PDE10A: variants seen among roughly 807,000 people sequenced by gnomAD.
PDE10A encodes the protein phosphodiesterase 10A, also known as cAMP and cAMP-inhibited cGMP 3',5'-cyclic phosphodiesterase 10A.
Under a neutral mutation model 97.7 loss-of-function variants are expected in PDE10A, and 39 were observed. The observed-to-expected ratio is 0.40, with a 90% confidence interval of 0.31 to 0.52. The LOEUF is 0.52. PDE10A is among the 20% of genes least tolerant of loss of function. The probability of loss-of-function intolerance (pLI) is 0.56; values close to 1 mark genes in which losing one functional copy is unlikely to be tolerated. For synonymous variants in PDE10A, 371 were observed against 376.8 expected, an observed-to-expected ratio of 0.98 and a Z score of 0.18; for missense variants, 731 against 1,047.8, an observed-to-expected ratio of 0.70 and a Z score of 4.17.
intron 1 of PDE10A, among the ~76,000 whole-genome samples, chr6:165,709,182 C>T (rs377102979): frequency 1.4e-5 from 2 of 140,136 alleles, no homozygotes; most frequent in East Asian, 2.2e-4. Flanking sequence ...ACTCTCCCCA[C>T]CACTCTCCTG....
chr6:165,820,709 C>T (rs1779546330), intron 1 of PDE10A, among the ~76,000 whole-genome samples: 1 of 152,204 alleles, frequency 6.6e-6, no homozygotes, highest in Non-Finnish European at 1.5e-5. Context: ...TGAAGACACG[C>T]ACTTCCCTTT....
At chr6:165,907,184 A>G (rs1265556544) in intron 1 of PDE10A, among the ~76,000 whole-genome samples, 1 of 152,242 alleles carries the variant, frequency 6.6e-6, no homozygotes, top group Non-Finnish European at 1.5e-5. Context: ...CCCTGGCTGC[A>G]AGGCACAAGG....
intron 1 of PDE10A, among the ~76,000 whole-genome samples, chr6:165,823,539 A>AAATATTATATTTATAATTTATATCTATAT (rs71029564): frequency 1.7e-5 from 2 of 117,262 alleles, no homozygotes; most frequent in Non-Finnish European, 1.8e-5. Flanking sequence ...CCTTAATTAT[A>AAATATTATATTTATAATTTATATCTATAT]AATATTATAT....
In PDE10A at chr6:165,418,636, T is replaced by G. The variant is rs768546450; in HGVS notation, c.1795A>C (p.Arg599=). ...KPVFKKTKEI[R]FSIEKGIAGQ... is the part of the protein sequence containing the mutation. Reference sequence around the variant, plus strand: ...AGGACATTCTACTTCTAGCTGTACCTTATCTCTTTGGTCTTCTTGAAGACA... The same window carrying G: ...AGGACATTCTACTTCTAGCTGTACCGTATCTCTTTGGTCTTCTTGAAGACA... Residue 599 remains arginine (R), a splice_region_variant and synonymous_variant, in exon 11 of 22, where the codon AGA becomes CGA. Transcript: ENST00000539869. This position sits in a 1 kb window ranked among gnomAD's most constrained non-coding sequence, Gnocchi z 4.8. 2 of 1,612,152 alleles carry G rather than the reference T, an allele frequency of 1.2e-6. No homozygotes were observed. The highest frequency in any genetic ancestry group is 1.7e-6 in the Non-Finnish European group (2 of 1,179,704).
intron 1 of PDE10A, among the ~76,000 whole-genome samples, chr6:165,916,986 T>C (rs1782623705): frequency 6.6e-6 from 1 of 152,178 alleles, no homozygotes; most frequent in Non-Finnish European, 1.5e-5. Context: ...CTTAGATCGC[T>C]GGAATTCCAT....
intron 1 of PDE10A, among the ~76,000 whole-genome samples, chr6:165,703,825 C>A (rs1791639358): frequency 6.6e-6 from 1 of 152,190 alleles, no homozygotes; most frequent in African/African-American, 2.4e-5. Context: ...ACAGCCAGGG[C>A]CGACAGCCGC....
chr6:165,576,282 A>C, intron 1 of PDE10A: 1 of 686,876 alleles, frequency 1.5e-6, no homozygotes, highest in Non-Finnish European at 2.7e-6. Flanking sequence ...TGAACAAAAC[A>C]AAGTTCTCAT....
At chr6:165,531,097 T>C (rs1345599951) in intron 2 of PDE10A, among the ~76,000 whole-genome samples, 1 of 151,886 alleles carries the variant, frequency 6.6e-6, no homozygotes, top group East Asian at 1.9e-4. Context: ...TTTGTGCCTC[T>C]GCTTAAACTC....
In PDE10A at chr6:165,881,193, C is replaced by T. The variant is rs188693826; in HGVS notation, c.-615+106336G>A. 4.5e-3 allele frequency among the ~76,000 whole-genome samples: 678 copies of T among 152,254 alleles called. 4 individuals are homozygous for T. Among genetic ancestry groups the T allele is most frequent in the Non-Finnish European group, 6.1e-3 (416 of 68,012 alleles). Reference sequence around the variant, plus strand: ...TACTAAACCAGAACACCAGGCAATGCTTTGGCTAATAGGAATGGAAATGTT... The same window carrying T: ...TACTAAACCAGAACACCAGGCAATGTTTTGGCTAATAGGAATGGAAATGTT... On this transcript the variant is annotated intron_variant, in intron 1 of 19. Transcript: ENST00000366882.
chr6:165,893,038 A>G (rs753534428), intron 1 of PDE10A, among the ~76,000 whole-genome samples: 7 of 152,180 alleles, frequency 4.6e-5, no homozygotes, highest in Non-Finnish European at 1.0e-4. Context: ...TTAAGCTTTT[A>G]TGGGGTGGAA....
At position 165,540,486 on chromosome 6, in the gene PDE10A, C is replaced by T. The variant is rs1003680740; in HGVS notation, c.994+2954G>A. On this transcript the variant is annotated intron_variant, in intron 2 of 21. Coordinates refer to ENST00000539869, the MANE Select transcript of PDE10A (RefSeq NM_001385079.1). Reference sequence around the variant, plus strand: ...GTCTCATTTTCAACAAGCTATTCTCCAATATCTTCTATCTGCCACAGTTTC... The same window carrying T: ...GTCTCATTTTCAACAAGCTATTCTCTAATATCTTCTATCTGCCACAGTTTC... 3.9e-5 allele frequency among the ~76,000 whole-genome samples: 6 copies of T among 152,028 alleles called. No homozygotes were observed. The East Asian group carries it at 1.2e-3, about 29-fold the overall frequency.
At chr6:165,643,588 C>A (rs1228736097) in intron 1 of PDE10A, among the ~76,000 whole-genome samples, 1 of 152,008 alleles carries the variant, frequency 6.6e-6, no homozygotes, top group Non-Finnish European at 1.5e-5. Flanking sequence ...GTGAAATAAG[C>A]CAGGCACAGA....
intron 1 of PDE10A, among the ~76,000 whole-genome samples, chr6:165,725,889 A>G (rs1792282048): frequency 6.6e-6 from 1 of 152,086 alleles, no homozygotes; most frequent in South Asian, 2.1e-4. Flanking sequence ...CAGTTTCTTT[A>G]TGTATCAGGT....
At chr6:165,825,159 A>G (rs866904425) in intron 1 of PDE10A, among the ~76,000 whole-genome samples, 1 of 64,826 alleles carries the variant, frequency 1.5e-5, no homozygotes, top group Non-Finnish European at 3.4e-5. Context: ...AAAAAAAAAA[A>G]AAAGAAAAAG....
At chr6:165,750,819 G>C (rs1252965807) in intron 1 of PDE10A, among the ~76,000 whole-genome samples, 1 of 152,196 alleles carries the variant, frequency 6.6e-6, no homozygotes, top group East Asian at 1.9e-4. Context: ...CACAGAACGT[G>C]GTGTGAGGAG....
chr6:165,698,182 G>A (rs182365333), intron 1 of PDE10A, among the ~76,000 whole-genome samples: 67 of 152,272 alleles, frequency 4.4e-4, no homozygotes, highest in African/African-American at 1.6e-3. Flanking sequence ...AGACTATTCA[G>A]TAATAATACT....
At chr6:165,355,352 G>A (rs542556701) in intron 18 of PDE10A, among the ~76,000 whole-genome samples, 1 of 152,272 alleles carries the variant, frequency 6.6e-6, no homozygotes, top group East Asian at 1.9e-4. Flanking sequence ...TCGTTTTCTA[G>A]TCAATGTCCC....
intron 1 of PDE10A, among the ~76,000 whole-genome samples, chr6:165,720,189 GA>G (rs1792130301): frequency 6.6e-6 from 1 of 152,246 alleles, no homozygotes; most frequent in African/African-American, 2.4e-5. Context: ...GGGATGGGGA[GA>G]GGGGGAGAGA....
intron 18 of PDE10A, among the ~76,000 whole-genome samples, chr6:165,359,383 AACAG>A (rs963267316): frequency 1.8e-4 from 27 of 152,254 alleles, no homozygotes; most frequent in African/African-American, 6.5e-4. Context: ...TAGGATTTGG[AACAG>A]ACAGTGCTTT....
Sources: allele counts gnomAD v4.1 joint callset (sites outside exome capture counted in the v4.1 genomes callset), GRCh38; gene constraint gnomAD v4.1.1; non-coding constraint Gnocchi (gnomAD v3.1); transcripts MANE v1.5; gene names NCBI Gene and HGNC (gene_info 2026-07-23, HGNC 2026-07-21).